The following LAMA4 variants were observed in gnomAD, a reference collection of about 807,000 sequenced individuals.
LAMA4 encodes the protein laminin subunit alpha 4, also known as laminin subunit alpha-4.
In LAMA4, 127 loss-of-function variants were observed where a neutral mutation model predicts 207.1. The observed-to-expected ratio is 0.61, with a 90% CI of 0.53 to 0.71. LAMA4 has a LOEUF of 0.71. Ranked by LOEUF, LAMA4 falls within the 30% of genes least tolerant of loss-of-function variation. LAMA4 has a pLI of 0.00. For synonymous variants in LAMA4, 761 were observed against 816.0 expected (o/e 0.93, Z 1.15); for missense variants, 2,093 against 2,246.5 (o/e 0.93, Z 1.38).
At chr6:112,121,914 G>T in intron 32 of LAMA4, 100 bp downstream of exon 32, 2 of 979,772 alleles carry the variant, frequency 2.0e-6, no homozygotes, top group Non-Finnish European at 3.3e-6. Flanking sequence ...GATTAAGGTG[G>T]CACAGAAAGG....
chr6:112,206,571 T>C (rs17073563), intron 4 of LAMA4, among the ~76,000 whole-genome samples: 8,334 of 152,226 alleles, frequency 0.055, 723 homozygotes, highest in African/African-American at 0.19. Context: ...GCCTAAAGCA[T>C]GCATTCTGTT....
At chr6:112,146,439 A>T (rs868960809) in intron 18 of LAMA4, among the ~76,000 whole-genome samples, 5 of 152,138 alleles carry the variant, frequency 3.3e-5, no homozygotes, top group East Asian at 1.9e-4. Flanking sequence ...ATCACCAGGA[A>T]CTTGTCAGAA....
intron 3 of LAMA4, among the ~76,000 whole-genome samples, chr6:112,212,955 T>G (rs1173200447): frequency 6.6e-6 from 1 of 152,194 alleles, no homozygotes; most frequent in Non-Finnish European, 1.5e-5. Context: ...GAAACTGAGA[T>G]GTAATACCTT....
At chr6:112,175,615 T>C (rs782247369) in intron 10 of LAMA4, 135 bp from the exon 11 acceptor site, 26 of 859,374 alleles carry the variant, frequency 3.0e-5, no homozygotes, top group Non-Finnish European at 4.6e-5. Context: ...AAAAGCAGCG[T>C]GCTAGTGTTC....
intron 12 of LAMA4, among the ~76,000 whole-genome samples, chr6:112,169,933 A>G (rs1363037386): frequency 6.6e-6 from 1 of 152,220 alleles, no homozygotes; most frequent in East Asian, 1.9e-4. Flanking sequence ...ACATTTACCA[A>G]CCACCAGCAA....
intron 2 of LAMA4, among the ~76,000 whole-genome samples, chr6:112,238,796 G>T (rs1461473496): frequency 6.6e-6 from 1 of 152,176 alleles, no homozygotes; most frequent in African/African-American, 2.4e-5. Flanking sequence ...TATGGCTTTT[G>T]CTTAAAGTTA....
intron 24 of LAMA4, among the ~76,000 whole-genome samples, chr6:112,138,142 T>C (rs1162284436): frequency 1.3e-5 from 2 of 152,122 alleles, no homozygotes; most frequent in African/African-American, 4.8e-5. Context: ...ATATTTCAAA[T>C]AAAGATTTTC....
At chr6:112,160,012 T>C (rs1349463705) in intron 13 of LAMA4, among the ~76,000 whole-genome samples, 1 of 152,218 alleles carries the variant, frequency 6.6e-6, no homozygotes, top group Admixed American at 6.5e-5. Context: ...TGCTTAATAC[T>C]GGGACTGAAT....
At chr6:112,161,448 G>GA (rs558987386) in intron 13 of LAMA4, among the ~76,000 whole-genome samples, 1 of 151,980 alleles carries the variant, frequency 6.6e-6, no homozygotes, top group African/African-American at 2.4e-5. Flanking sequence ...ACAATACTTT[G>GA]AAAAAAATGT....
At position 112,191,681 on chromosome 6, in the gene LAMA4, C is replaced by G. The variant is rs782121531; in HGVS notation, c.673G>C (p.Ala225Pro). ...CTGGCGTCCCCATAGTAGCCAGGAG[C>G]GCAACGTTCACACTTGAATCCGGTG... The part of the protein sequence containing the change: ...NTTGFKCERC[A>P]PGYYGDARIA... The change falls in exon 6 of 39, where the codon GCT (alanine) becomes CCT (proline). Residue 225 changes from alanine (A) to proline (P), a missense_variant. Transcript: ENST00000230538. 1.6e-5 allele frequency: 26 copies of G among 1,613,956 alleles called. No individual in the cohort carries two copies. In the East Asian group the frequency reaches 5.3e-4, roughly 33 times the overall value.
At position 112,138,121 on chromosome 6, in the gene LAMA4, C is replaced by A. The variant is rs1024982858; in HGVS notation, c.3282+999G>T. Among the ~76,000 whole-genome samples, 3 of 152,002 alleles carry A rather than the reference C, an allele frequency of 2.0e-5. 1 individual carries two copies. The highest frequency in any genetic ancestry group is 4.8e-5 in the African/African-American group (2 of 41,408). On this transcript the variant is annotated intron_variant, in intron 24 of 38. Transcript: ENST00000230538. ...AACATTTGAGGGAAGAAATTTCTAA[C>A]CTTTAGAAAAATATTTCAAATAAAG... is the stretch of plus-strand genomic sequence containing the variant.
chr6:112,151,936 A>G (rs1780428091), intron 16 of LAMA4, among the ~76,000 whole-genome samples: 1 of 152,152 alleles, frequency 6.6e-6, no homozygotes, highest in Non-Finnish European at 1.5e-5. Flanking sequence ...TATATCCTAT[A>G]AATGTGACAA....
At chr6:112,145,374 A>T (rs1294922584) in intron 18 of LAMA4, among the ~76,000 whole-genome samples, 1 of 152,208 alleles carries the variant, frequency 6.6e-6, no homozygotes, top group African/African-American at 2.4e-5. Context: ...GTGCCCAAAG[A>T]GAGAGTAACG....
intron 10 of LAMA4, among the ~76,000 whole-genome samples, chr6:112,175,774 G>C (rs1781990345): frequency 6.6e-6 from 1 of 152,196 alleles, no homozygotes; most frequent in South Asian, 2.1e-4. Context: ...ATCCTCATCT[G>C]GTTTCCACAG....
chr6:112,186,114 C>T (rs1274938898), intron 8 of LAMA4, among the ~76,000 whole-genome samples: 2 of 152,226 alleles, frequency 1.3e-5, no homozygotes, highest in African/African-American at 4.8e-5. Flanking sequence ...ACATATTTGG[C>T]CAACTGCTAT....
At chr6:112,238,690 G>C (rs1485459560) in intron 2 of LAMA4, among the ~76,000 whole-genome samples, 4 of 152,134 alleles carry the variant, frequency 2.6e-5, no homozygotes, top group Admixed American at 2.6e-4. Flanking sequence ...CTGGGCGGCA[G>C]AGCAAGACTC....
chr6:112,204,006 T>A lies in LAMA4; in HGVS notation c.423-2318A>T, dbSNP rs114283997. ...TGTTTCCTCTTTCAGGAAAGGAGACTCATTCCACAGTTGGCAACTTTTGAC... is the reference window on the plus strand; with the variant it reads ...TGTTTCCTCTTTCAGGAAAGGAGACACATTCCACAGTTGGCAACTTTTGAC... On this transcript the variant is annotated intron_variant, in intron 4 of 38. Transcript: ENST00000230538. 1.8e-3 allele frequency among the ~76,000 whole-genome samples: 275 copies of A among 152,288 alleles called. 3 individuals carry two copies. Among genetic ancestry groups the A allele is most frequent in the African/African-American group, 6.4e-3 (264 of 41,572 alleles).
intron 22 of LAMA4, 99 bp downstream of exon 22, chr6:112,140,661 A>T: frequency 9.0e-7 from 1 of 1,113,820 alleles, no homozygotes; most frequent in Non-Finnish European, 1.3e-6. Flanking sequence ...TAAGCTCTTA[A>T]AGTGATATCA....
intron 2 of LAMA4, among the ~76,000 whole-genome samples, chr6:112,243,450 G>A (rs1435433893): frequency 1.3e-5 from 2 of 152,130 alleles, no homozygotes; most frequent in African/African-American, 2.4e-5. Flanking sequence ...GTAGAATTTT[G>A]TTGCTAGAAG....
Sources: allele counts gnomAD v4.1 joint callset (sites outside exome capture counted in the v4.1 genomes callset), GRCh38; gene constraint gnomAD v4.1.1; transcripts MANE v1.5; gene names NCBI Gene and HGNC (gene_info 2026-07-23, HGNC 2026-07-21).